The following POLI variants were observed in gnomAD, a reference collection of about 807,000 sequenced individuals.
POLI encodes RAD30 homolog B.
A neutral mutation model predicts 51.6 loss-of-function variants in POLI; 58 were observed. That is an observed-to-expected ratio of 1.12 (90% CI 0.91 to 1.40). The LOEUF (loss-of-function observed/expected upper bound fraction) is 1.40, where lower values mean the gene tolerates loss of function less well. Among genes scored for constraint, POLI ranks in the 40% most tolerant of loss-of-function variants. The pLI, the probability that POLI is intolerant of heterozygous loss-of-function variation, is 0.00. For synonymous variants in POLI, 322 were observed against 299.7 expected (o/e 1.07, Z -0.77); for missense variants, 921 against 871.3 (o/e 1.06, Z -0.72).
At chr18:54,316,060 C>A (rs1355692515) in intron 3 of POLI, among the ~76,000 whole-genome samples, 2 of 152,052 alleles carry the variant, frequency 1.3e-5, no homozygotes, top group Non-Finnish European at 2.9e-5. Flanking sequence ...GGACTACAGG[C>A]ATGTACCACC....
intron 8 of POLI, among the ~76,000 whole-genome samples, chr18:54,289,191 C>T (rs1275962808): frequency 1.5e-5 from 2 of 137,584 alleles, no homozygotes; most frequent in East Asian, 4.3e-4. Flanking sequence ...GATTTCTCTG[C>T]TCAAGTGTTT....
chr18:54,310,541 A>G (rs1301491812), intron 3 of POLI, among the ~76,000 whole-genome samples: 1 of 151,846 alleles, frequency 6.6e-6, no homozygotes, highest in African/African-American at 2.4e-5. Context: ...GTTTTATAAA[A>G]TTGATTCATG....
intron 1 of POLI, chr18:54,270,742 G>GT (rs1599147609): frequency 6.6e-6 from 1 of 152,116 alleles, no homozygotes; most frequent in East Asian, 1.9e-4. Flanking sequence ...GACAAATAAT[G>GT]ACCTAACAAC....
chr18:54,311,234 T>G, intron 3 of POLI: 1 of 259,504 alleles, frequency 3.9e-6, no homozygotes, highest in Non-Finnish European at 6.0e-6. Flanking sequence ...CTGTTGTTGA[T>G]GCATCTACCT....
chr18:54,320,522 G>A (rs981774722), intron 4 of POLI: 1 of 152,154 alleles, frequency 6.6e-6, no homozygotes, highest in African/African-American at 2.4e-5. Context: ...AAAAGGGTGT[G>A]TGCTTTTTTA....
chr18:54,309,947 G>T (rs2088648790), intron 3 of POLI, among the ~76,000 whole-genome samples: 1 of 152,204 alleles, frequency 6.6e-6, no homozygotes, highest in African/African-American at 2.4e-5. Flanking sequence ...TTGGAAAACT[G>T]CAATATTTGA....
rs1251660167 is a variant in POLI at position 54,269,960 on chromosome 18, A to T, written c.115+299A>T. The T allele has an allele frequency of 1.4e-5, 16 of 1,155,630 alleles. No individual in the cohort carries two copies. In the Admixed American group the frequency reaches 2.9e-4, roughly 21 times the overall value. The allele number at this position is 1,155,630 out of a possible 1,614,324, so 71.6% of individuals were successfully genotyped here. On this transcript the variant is annotated intron_variant, in intron 1 of 9. Transcript: ENST00000579534. Reference sequence around the variant, plus strand: ...GGGCGGGAATCCCTCAGCCAGCCCGACGAAAACTGCAGAGGCTTCTGGGCC... The same window carrying T: ...GGGCGGGAATCCCTCAGCCAGCCCGTCGAAAACTGCAGAGGCTTCTGGGCC...
In POLI at chr18:54,295,007, A is replaced by G; in HGVS notation, c.*540A>G. ...TTCAATTAATGCTTCTTCATACACC[A>G]AGAATCTACCACAATACACAGCACA... On this transcript the variant is annotated 3_prime_UTR_variant, in exon 10 of 10. Coordinates refer to ENST00000579534, the MANE Select transcript of POLI (RefSeq NM_007195.3). 1 of 985,354 alleles carries G rather than the reference A, an allele frequency of 1.0e-6. No individual in the cohort carries two copies. The highest frequency in any genetic ancestry group is 1.2e-6 in the Non-Finnish European group (1 of 829,844). The allele number at this position is 985,354 out of a possible 1,614,324, so 61.0% of individuals were successfully genotyped here.
chr18:54,277,847 A>G lies in POLI; in HGVS notation c.551A>G (p.Asn184Ser), dbSNP rs2087318795. Residue 184 changes from asparagine to serine, a missense_variant, in exon 4 of 10, where the codon AAT (asparagine) becomes AGT (serine). Asn to Ser is a conservative substitution (Grantham distance 46). Coordinates refer to ENST00000579534, the MANE Select transcript of POLI (RefSeq NM_007195.3). ...SAVTVSGHVY[N>S]NQSINLLDVL... ...GTGACTGTGTCGGGTCATGTATACA[A>G]TAATCAGTGTGAGTGGGTTCTTATT... The G allele has an allele frequency of 1.2e-6, 2 of 1,610,888 alleles. No individual in the cohort carries two copies. Among genetic ancestry groups the G allele is most frequent in the East Asian group, 2.2e-5 (1 of 44,858 alleles).
At chr18:54,270,755 T>C (rs2086968882) in intron 1 of POLI, 3 of 152,218 alleles carry the variant, frequency 2.0e-5, no homozygotes, top group Admixed American at 1.3e-4. Flanking sequence ...CTAACAACTT[T>C]TTAAAATCAA....
downstream of POLI, among the ~76,000 whole-genome samples, chr18:54,298,834 G>A (rs557912648): frequency 3.8e-4 from 57 of 151,888 alleles, no homozygotes; most frequent in African/African-American, 1.1e-3. Flanking sequence ...TGATCTGCCC[G>A]CCTCAGCCTC....
At chr18:54,311,018 G>T (rs770603366) in intron 3 of POLI, 3 of 725,240 alleles carry the variant, frequency 4.1e-6, no homozygotes, top group Non-Finnish European at 5.1e-6. Context: ...TTTGCTTCCT[G>T]AAGTGCTAGG....
At chr18:54,274,696 G>A (rs1351166634) in intron 3 of POLI, among the ~76,000 whole-genome samples, 1 of 152,086 alleles carries the variant, frequency 6.6e-6, no homozygotes, top group Non-Finnish European at 1.5e-5. Context: ...AATATAGTAG[G>A]TTGATGCAAA....
intron 2 of POLI, among the ~76,000 whole-genome samples, chr18:54,271,713 A>G (rs2087009978): frequency 6.6e-6 from 1 of 152,194 alleles, no homozygotes; most frequent in African/African-American, 2.4e-5. Flanking sequence ...AATGAAGAGA[A>G]AGCAGAATAA....
At chr18:54,304,197 A>T (rs115582131) in intron 3 of POLI, among the ~76,000 whole-genome samples, 38,220 of 152,048 alleles carry the variant, frequency 0.25, 5,034 homozygotes, top group Middle Eastern at 0.3. Context: ...TTTTTGCTAT[A>T]GTGAGTAGTG....
intron 3 of POLI, chr18:54,310,973 G>C (rs1381890807): frequency 4.4e-6 from 1 of 228,324 alleles, no homozygotes; most frequent in African/African-American, 2.3e-5. Context: ...GCCCAGGCTG[G>C]TCTCGAATGC....
rs755767046 is a variant in POLI at position 54,283,179 on chromosome 18, T to C, written c.975+164T>C. Among the ~76,000 whole-genome samples the C allele has an allele frequency of 3.5e-4, 54 of 152,306 alleles. 1 individual carries two copies. The Middle Eastern group carries it at 0.01, about 29-fold the overall frequency. On this transcript the variant is annotated intron_variant, in intron 6 of 9. Coordinates refer to ENST00000579534, the MANE Select transcript of POLI (RefSeq NM_007195.3). ...ATTAATAGATTGGATTAATAAGTAT[T>C]CTTAAATGGAATCTTAAGCATTGAT... is the stretch of plus-strand genomic sequence containing the variant.
At chr18:54,269,733 G>A (rs2086915831) in intron 1 of POLI, 72 bp downstream of exon 1, 1 of 1,406,104 alleles carries the variant, frequency 7.1e-7, no homozygotes, top group South Asian at 1.5e-5. Context: ...CGGACGCTCG[G>A]GGCGGCGGCC....
intron 3 of POLI, among the ~76,000 whole-genome samples, chr18:54,310,750 T>C (rs2088659493): frequency 6.6e-6 from 1 of 152,188 alleles, no homozygotes; most frequent in South Asian, 2.1e-4. Context: ...AAGCTTTTTT[T>C]CAAATGTATT....
Sources: gnomAD v4.1 joint callset for allele counts (sites outside exome capture counted in the v4.1 genomes callset) on GRCh38, gnomAD v4.1.1 for gene constraint, MANE v1.5 for transcripts, NCBI Gene and HGNC (gene_info 2026-07-23, HGNC 2026-07-21) for gene names.